The following DNM3 variants were observed in gnomAD, a reference collection of about 807,000 sequenced individuals.
DNM3 encodes dynamin 3.
DNM3 carries 47 observed loss-of-function variants against 101.6 expected under a neutral mutation model. The ratio of observed to expected loss-of-function variants is 0.46; its 90% CI spans 0.37 to 0.59. The LOEUF (loss-of-function observed/expected upper bound fraction) is 0.59. DNM3 is among the 20% of genes least tolerant of loss of function. The pLI, the probability that DNM3 is intolerant of heterozygous loss-of-function variation, is 0.00. For missense variants in DNM3, 849 were observed against 1,085.7 expected (o/e 0.78, Z 3.06); for synonymous variants, 385 against 387.9 (o/e 0.99, Z 0.09).
intron 13 of DNM3, among the ~76,000 whole-genome samples, chr1:172,110,447 T>G (rs2055382774): frequency 6.6e-6 from 1 of 152,228 alleles, no homozygotes; most frequent in South Asian, 2.1e-4. Context: ...TGCCATATTC[T>G]GTGTGTCTAA....
At chr1:171,925,637 T>G (rs539346011) in intron 2 of DNM3, among the ~76,000 whole-genome samples, 12 of 152,340 alleles carry the variant, frequency 7.9e-5, no homozygotes, top group Admixed American at 7.2e-4. Context: ...TTGCAAAAAT[T>G]TTCTCTCATC....
intron 20 of DNM3, among the ~76,000 whole-genome samples, chr1:172,392,605 A>G (rs143833477): frequency 6.6e-6 from 1 of 152,324 alleles, no homozygotes; most frequent in Non-Finnish European, 1.5e-5. Flanking sequence ...ACATTAACGG[A>G]ACAAATTCAC....
At chr1:172,050,478 A>G (rs1300896124) in intron 10 of DNM3, among the ~76,000 whole-genome samples, 1 of 152,198 alleles carries the variant, frequency 6.6e-6, no homozygotes, top group East Asian at 1.9e-4. Flanking sequence ...TAAAGAGAGT[A>G]ATTAAACTGA....
chr1:171,875,813 C>T (rs1208764985), intron 1 of DNM3, among the ~76,000 whole-genome samples: 49 of 104,672 alleles, frequency 4.7e-4, no homozygotes, highest in African/African-American at 1.9e-3. Flanking sequence ...AGTTGTCTCT[C>T]TTTTTTTTTT....
intron 13 of DNM3, among the ~76,000 whole-genome samples, chr1:172,097,165 G>T (rs2054300275): frequency 6.6e-6 from 1 of 152,110 alleles, no homozygotes; most frequent in Non-Finnish European, 1.5e-5. Context: ...ACTTTGGGAG[G>T]CCGAGGTGGG....
chr1:172,061,633 G>A (rs557596027), intron 10 of DNM3, among the ~76,000 whole-genome samples: 131 of 148,310 alleles, frequency 8.8e-4, no homozygotes, highest in African/African-American at 3.1e-3. Flanking sequence ...TCACTCATAG[G>A]TGGGAATTGA....
intron 4 of DNM3, among the ~76,000 whole-genome samples, chr1:172,016,735 T>C (rs1335480481): frequency 6.6e-6 from 1 of 152,196 alleles, no homozygotes; most frequent in East Asian, 1.9e-4. Flanking sequence ...TGGTGCCTTC[T>C]TTTTTGGAAG....
In DNM3 at chr1:172,378,498, A is replaced by G. The variant is rs150557808; in HGVS notation, c.1894-520A>G. The stretch of plus-strand genomic sequence containing the variant: ...TGCATGGAAGAATAAATTATCTTCT[A>G]TATCTCTTATTTTGGCTTCAGGCAG... On this transcript the variant is annotated intron_variant, in intron 17 of 20. Transcript: ENST00000627582. Among the ~76,000 whole-genome samples, 430 of 117,232 alleles carry G rather than the reference A, an allele frequency of 3.7e-3. 3 individuals carry two copies. Among genetic ancestry groups the G allele is most frequent in the African/African-American group, 0.013 (408 of 30,266 alleles). 76.9% of individuals were successfully genotyped at this position (117,232 alleles called of 152,430 possible). A position where few individuals can be genotyped will look rare whatever the true frequency, so the allele number is the denominator to read the frequency against.
At chr1:172,348,480 C>A (rs1393282161) in intron 17 of DNM3, among the ~76,000 whole-genome samples, 1 of 152,142 alleles carries the variant, frequency 6.6e-6, no homozygotes, top group African/African-American at 2.4e-5. Context: ...TATCGTTCAA[C>A]AGATGAGTGG....
At chr1:172,137,997 T>G (rs1322990136) in intron 14 of DNM3, 1 of 152,106 alleles carries the variant, frequency 6.6e-6, no homozygotes, top group Non-Finnish European at 1.5e-5. Flanking sequence ...ATCTTGAAAG[T>G]TTATAGTGAT....
At chr1:172,048,232 G>A (rs2049956625) in intron 9 of DNM3, among the ~76,000 whole-genome samples, 1 of 152,184 alleles carries the variant, frequency 6.6e-6, no homozygotes, top group African/African-American at 2.4e-5. Context: ...TAATATAGTT[G>A]TCCTGGAATG....
chr1:172,093,615 T>G (rs2054058574), intron 13 of DNM3: 8 of 1,269,668 alleles, frequency 6.3e-6, no homozygotes, highest in Non-Finnish European at 8.7e-6. Context: ...CCCATTGTTT[T>G]GAAAGGAGAA....
intron 16 of DNM3, 122 bp from the exon 17 acceptor site, chr1:172,323,207 A>G: frequency 9.5e-7 from 1 of 1,056,510 alleles, no homozygotes; most frequent in South Asian, 1.7e-5. Context: ...CACTCTAGCA[A>G]GAAAAACCTC....
At position 171,991,344 on chromosome 1, in the gene DNM3, C is replaced by T. The variant is rs568975553; in HGVS notation, c.589+2196C>T. 2.0e-5 allele frequency among the ~76,000 whole-genome samples: 3 copies of T among 152,160 alleles called. No individual in the cohort carries two copies. The East Asian group carries it at 5.8e-4, about 29-fold the overall frequency. On this transcript the variant is annotated intron_variant, in intron 4 of 20. Coordinates refer to ENST00000627582, the MANE Select transcript of DNM3 (RefSeq NM_015569.5). Reference sequence around the variant, plus strand: ...CAGTTACAAGATCCAGGTTGTTTACCCTGTGCTCTGACTGACTGGCTATAA... The same window carrying T: ...CAGTTACAAGATCCAGGTTGTTTACTCTGTGCTCTGACTGACTGGCTATAA...
At chr1:171,884,852 C>T (rs2036621220) in intron 1 of DNM3, among the ~76,000 whole-genome samples, 1 of 152,170 alleles carries the variant, frequency 6.6e-6, no homozygotes, top group Non-Finnish European at 1.5e-5. Flanking sequence ...CAGAACAAGT[C>T]ACATGGCTAA....
rs896954470 is a variant in DNM3, at chr1:171,876,114, G to A, written c.161+34297G>A. 2.0e-5 allele frequency among the ~76,000 whole-genome samples: 3 copies of A among 152,124 alleles called. No homozygotes were observed. The East Asian group carries it at 5.8e-4, about 29-fold the overall frequency. ...GTGAGCCACTGCGCCTGGCCAAAAA[G>A]AGTTATCTTTTAAAGATACGTACTT... On this transcript the variant is annotated intron_variant, in intron 1 of 20. Coordinates refer to ENST00000627582, the MANE Select transcript of DNM3 (RefSeq NM_015569.5).
chr1:172,346,317 G>A (rs1349245181), intron 17 of DNM3, among the ~76,000 whole-genome samples: 1 of 152,078 alleles, frequency 6.6e-6, no homozygotes, highest in Non-Finnish European at 1.5e-5. Flanking sequence ...GTAACTGAAG[G>A]TCCATAGCTA....
At chr1:172,010,612 T>TG (rs2047047250) in intron 4 of DNM3, among the ~76,000 whole-genome samples, 1 of 112,068 alleles carries the variant, frequency 8.9e-6, no homozygotes, top group Non-Finnish European at 1.8e-5. Flanking sequence ...CTATTATGGC[T>TG]ATTTTTTTTT....
At chr1:172,252,636 C>A (rs889907213) in intron 14 of DNM3, among the ~76,000 whole-genome samples, 2 of 152,106 alleles carry the variant, frequency 1.3e-5, no homozygotes, top group Non-Finnish European at 2.9e-5. Context: ...ACAAGGGCAG[C>A]GCTTGTTATA....
Sources: allele counts gnomAD v4.1 joint callset (sites outside exome capture counted in the v4.1 genomes callset), GRCh38; gene constraint gnomAD v4.1.1; transcripts MANE v1.5; gene names NCBI Gene and HGNC (gene_info 2026-07-23, HGNC 2026-07-21).